Variants in AP5M1 observed in about 807,000 individuals in gnomAD.
The protein encoded by AP5M1 is adaptor related protein complex 5 subunit mu 1, also known as AP-5 complex subunit mu-1.
A neutral mutation model predicts 52.3 loss-of-function variants in AP5M1; 44 were observed. That is an observed-to-expected ratio of 0.84 (90% CI 0.66 to 1.08). The LOEUF (loss-of-function observed/expected upper bound fraction) is 1.08, where lower values mean the gene tolerates loss of function less well. Ranked by LOEUF, AP5M1 falls within the 50% of genes least tolerant of loss-of-function variation. AP5M1 has a pLI of 0.00. For missense variants in AP5M1, 526 were observed against 568.4 expected, an observed-to-expected ratio of 0.93 and a Z score of 0.76; for synonymous variants, 213 against 199.0, an observed-to-expected ratio of 1.07 and a Z score of -0.59.
At chr14:57,286,504 G>A (rs1885312776) in intron 7 of AP5M1, 185 bp downstream of exon 7, 1 of 491,752 alleles carries the variant, frequency 2.0e-6, no homozygotes, top group Non-Finnish European at 3.6e-6. Flanking sequence ...CCGCCTTCTT[G>A]TTTATAAAGT....
At position 57,286,257 on chromosome 14, in the gene AP5M1, G is replaced by A; in HGVS notation, c.1328G>A (p.Gly443Glu). The A allele has an allele frequency of 6.2e-7, 1 of 1,612,540 alleles. No individual in the cohort carries two copies. Among genetic ancestry groups the A allele is most frequent in the Non-Finnish European group, 8.5e-7 (1 of 1,178,964 alleles). The change falls in exon 7 of 8, where the codon GGA (glycine) becomes GAA (glutamate). Residue 443 changes from glycine to glutamate, a missense_variant. Physicochemically the swap from Gly to Glu is moderately conservative, Grantham distance 98 (BLOSUM62 -2). Coordinates refer to ENST00000261558, the MANE Select transcript of AP5M1 (RefSeq NM_018229.4). ...AGGATCTTAGATTACACACTTACTG[G>A]ATGTTATGCAGATCAGCATTCAGTT... ...HFRILDYTLTGCYADQHSVQV... is the reference protein window; with the variant it reads ...HFRILDYTLTECYADQHSVQV...
rs369733465 is a variant in AP5M1, at chr14:57,288,791, C to A, written c.1391-11C>A. 6.5e-7 allele frequency: 1 copy of A among 1,541,862 alleles called. No homozygotes were observed. The highest frequency in any genetic ancestry group is 8.9e-7 in the Non-Finnish European group (1 of 1,124,908). On this transcript the variant is annotated splice_polypyrimidine_tract_variant and intron_variant, in intron 7 of 7. Transcript: ENST00000261558. ...ATAGTCTTATCATTAATTTCTTTTT[C>A]TTTTCTTTAGACCGGAAACTAATTT...
chr14:57,290,606 A>G lies in AP5M1; in HGVS notation c.*1722A>G, dbSNP rs1372656549. On this transcript the variant is annotated 3_prime_UTR_variant, in exon 8 of 8. Transcript: ENST00000261558. ...CAAAAGTTTATAAGCAGTTAGAAAA[A>G]TCAGTGAATCTTCTATTTGACATTT... 6.6e-6 allele frequency: 1 copy of G among 151,934 alleles called. No individual in the cohort carries two copies. The highest frequency in any genetic ancestry group is 1.5e-5 in the Non-Finnish European group (1 of 67,894). 9.4% of individuals were successfully genotyped at this position (151,934 alleles called of 1,614,324 possible). A position where few individuals can be genotyped will look rare whatever the true frequency, so the allele number is the denominator to read the frequency against.
rs150147662 is a variant in AP5M1 at position 57,280,430 on chromosome 14, C to T, written c.948+8C>T. The T allele has an allele frequency of 3.9e-4, 605 of 1,561,146 alleles. 3 individuals are homozygous for T. In the African/African-American group the frequency reaches 7.0e-3, roughly 18 times the overall value. ...TGCTTCTACACTTCCCAGGTAACAACCCTAGAATAGTTGAGAGTTTGCTGA... is the reference window on the plus strand; with the variant it reads ...TGCTTCTACACTTCCCAGGTAACAATCCTAGAATAGTTGAGAGTTTGCTGA... On this transcript the variant is annotated splice_region_variant and intron_variant, in intron 3 of 7. Coordinates refer to ENST00000261558, the MANE Select transcript of AP5M1 (RefSeq NM_018229.4).
chr14:57,270,240 T>C (rs1012857055), intron 1 of AP5M1, among the ~76,000 whole-genome samples: 3 of 152,242 alleles, frequency 2.0e-5, no homozygotes, highest in Non-Finnish European at 2.9e-5. Flanking sequence ...GTTGATCTGG[T>C]CCCACTATTA....
chr14:57,277,345 A>C (rs568179977), intron 2 of AP5M1, among the ~76,000 whole-genome samples: 20 of 152,154 alleles, frequency 1.3e-4, no homozygotes, highest in Non-Finnish European at 2.2e-4. Flanking sequence ...TTAAGAGATT[A>C]ATTTGCTAAG....
intron 6 of AP5M1, among the ~76,000 whole-genome samples, 189 bp from the exon 7 acceptor site, chr14:57,286,033 GA>G (rs3215801): frequency 2.3e-4 from 34 of 150,138 alleles, no homozygotes; most frequent in Non-Finnish European, 4.4e-4. Context: ...AATGCAAACG[GA>G]AAAAAAAACT....
Position 57,280,390 on chromosome 14 carries a change from G to C in AP5M1, c.916G>C (p.Glu306Gln), listed in dbSNP as rs774714032. 1.2e-6 allele frequency: 2 copies of C among 1,613,540 alleles called. No homozygotes were observed. Among genetic ancestry groups the C allele is most frequent in the Admixed American group, 3.3e-5 (2 of 60,022 alleles). The change falls in exon 3 of 8, where the codon GAG (glutamate) becomes CAG (glutamine). Residue 306 changes from glutamate to glutamine, a missense_variant. Around this residue, in one of 3 missense-constraint regions of AP5M1, gnomAD observed 425 missense variants for 430.6 expected, o/e 0.99. Coordinates refer to ENST00000261558, the MANE Select transcript of AP5M1 (RefSeq NM_018229.4). Reference protein sequence around the residue: ...PYKFPFTPPLESFNLCFYTSQ... With the variant: ...PYKFPFTPPLQSFNLCFYTSQ... ...CAAATTTCCATTCACTCCACCTTTA[G>C]AGTCATTCAACTTATGCTTCTACAC...
rs1566513964 is a variant in AP5M1 at position 57,274,615 on chromosome 14, A to G, written c.446A>G (p.Asp149Gly). ...QDFLYSGQKN[D>G]SELNTKLSQL... ...TTTCTTTATTCAGGTCAAAAAAATGACTCTGAGCTGAATACAAAATTGAGC... is the reference window on the plus strand; with the variant it reads ...TTTCTTTATTCAGGTCAAAAAAATGGCTCTGAGCTGAATACAAAATTGAGC... The change falls in exon 2 of 8, where the codon GAC (aspartate) becomes GGC (glycine). Residue 149 changes from aspartate to glycine, a missense_variant. Asp to Gly is a moderately conservative substitution (Grantham distance 94, BLOSUM62 -1). Transcript: ENST00000261558. 6.2e-7 allele frequency: 1 copy of G among 1,614,168 alleles called. No homozygotes were observed. The highest frequency in any genetic ancestry group is 1.7e-5 in the Admixed American group (1 of 60,024).
chr14:57,293,748 A>G lies in AP5M1; in HGVS notation c.*4864A>G, dbSNP rs1885491737. The G allele has an allele frequency of 6.6e-6, 1 of 151,704 alleles. No individual in the cohort carries two copies. The highest frequency in any genetic ancestry group is 1.9e-4 in the East Asian group (1 of 5,184). 9.4% of individuals were successfully genotyped at this position (151,704 alleles called of 1,614,324 possible). A position where few individuals can be genotyped will look rare whatever the true frequency, so the allele number is the denominator to read the frequency against. On this transcript the variant is annotated 3_prime_UTR_variant, in exon 8 of 8. Coordinates refer to ENST00000261558, the MANE Select transcript of AP5M1 (RefSeq NM_018229.4). ...ATACACACAACATATATATACAAGT[A>G]TATGAATTTACGTAAATGTGTACAA... is the stretch of plus-strand genomic sequence containing the variant.
In AP5M1 at chr14:57,295,403, TAGCTC is replaced by T. The variant is rs1284656153; in HGVS notation, c.*6523_*6527del. 1 of 151,942 alleles carries T rather than the reference TAGCTC, an allele frequency of 6.6e-6. No homozygotes were observed. The highest frequency in any genetic ancestry group is 1.5e-5 in the Non-Finnish European group (1 of 67,892). The allele number at this position is 151,942 out of a possible 1,614,324, so 9.4% of individuals were successfully genotyped here. ...TCTGCTGTTGCTACTCAGCTAGTCA[TAGCTC>T]AGCCAGAGGGAAGGAAAAAATGCAC... On this transcript the variant is annotated 3_prime_UTR_variant, in exon 8 of 8. Coordinates refer to ENST00000261558, the MANE Select transcript of AP5M1 (RefSeq NM_018229.4).
chr14:57,277,935 C>T (rs184771688), intron 2 of AP5M1, among the ~76,000 whole-genome samples: 5 of 152,104 alleles, frequency 3.3e-5, no homozygotes, highest in East Asian at 1.9e-4. Flanking sequence ...ACAGTTAATG[C>T]GTGGTGCAAT....
intron 2 of AP5M1, among the ~76,000 whole-genome samples, chr14:57,276,474 G>T (rs1223935405): frequency 6.6e-6 from 1 of 152,070 alleles, no homozygotes; most frequent in South Asian, 2.1e-4. Context: ...TATTCAGGAG[G>T]CTGAGGCATG....
chr14:57,287,097 G>A (rs901802383), intron 7 of AP5M1, among the ~76,000 whole-genome samples: 10 of 151,830 alleles, frequency 6.6e-5, no homozygotes, highest in African/African-American at 2.4e-4. Context: ...AGATCAAATA[G>A]AAATATGTAA....
chr14:57,278,399 C>T (rs1340075226), intron 2 of AP5M1: 1 of 152,232 alleles, frequency 6.6e-6, no homozygotes, highest in South Asian at 2.1e-4. Context: ...AAGGAAAGGT[C>T]CGCAGAAGTG....
chr14:57,287,621 G>T (rs1885340246), intron 7 of AP5M1, among the ~76,000 whole-genome samples: 1 of 152,026 alleles, frequency 6.6e-6, no homozygotes, highest in African/African-American at 2.4e-5. Flanking sequence ...AAAATATGTT[G>T]AAAGAACTCA....
Position 57,286,323 on chromosome 14 carries a change from A to C in AP5M1, c.1390+4A>C, listed in dbSNP as rs757785084. 6.3e-7 allele frequency: 1 copy of C among 1,575,544 alleles called. No homozygotes were observed. Among genetic ancestry groups the C allele is most frequent in the East Asian group, 2.2e-5 (1 of 44,648 alleles). Reference sequence around the variant, plus strand: ...GGAAAACCAAAAATAAGTGCACGTAAGTTACACAGATTCAAACTAACTTAA... The same window carrying C: ...GGAAAACCAAAAATAAGTGCACGTACGTTACACAGATTCAAACTAACTTAA... On this transcript the variant is annotated splice_donor_region_variant and intron_variant, in intron 7 of 7. Coordinates refer to ENST00000261558, the MANE Select transcript of AP5M1 (RefSeq NM_018229.4).
Position 57,290,442 on chromosome 14 carries a change from A to G in AP5M1, c.*1558A>G, listed in dbSNP as rs141852898. The G allele has an allele frequency of 2.1e-3, 318 of 152,112 alleles. 2 individuals carry two copies. The highest frequency in any genetic ancestry group is 7.2e-3 in the African/African-American group (298 of 41,538). 9.4% of individuals were successfully genotyped at this position (152,112 alleles called of 1,614,324 possible). On this transcript the variant is annotated 3_prime_UTR_variant, in exon 8 of 8. Coordinates refer to ENST00000261558, the MANE Select transcript of AP5M1 (RefSeq NM_018229.4). ...ATCTCTCTTAAACTCAAAGCTTAACATTTCACTTATGTTGATAAGTTAATG... is the reference window on the plus strand; with the variant it reads ...ATCTCTCTTAAACTCAAAGCTTAACGTTTCACTTATGTTGATAAGTTAATG...
chr14:57,275,054 C>A, intron 2 of AP5M1, 165 bp downstream of exon 2: 1 of 696,856 alleles, frequency 1.4e-6, no homozygotes, highest in South Asian at 1.9e-5. Context: ...GCATTCCTTA[C>A]CAATTATATT....
Sources: allele counts gnomAD v4.1 joint callset (sites outside exome capture counted in the v4.1 genomes callset), GRCh38; gene constraint gnomAD v4.1.1; regional missense constraint gnomAD v4.1.1; transcripts MANE v1.5; gene names NCBI Gene and HGNC (gene_info 2026-07-23, HGNC 2026-07-21).